AMOTL1: variants seen among roughly 807,000 people sequenced by gnomAD.
The protein encoded by AMOTL1 is angiomotin-like protein 1.
A neutral mutation model predicts 102.9 loss-of-function variants in AMOTL1; 45 were observed. The observed-to-expected ratio is 0.44, with a 90% confidence interval of 0.34 to 0.56. AMOTL1 has a LOEUF of 0.56. Among genes scored for constraint, AMOTL1 ranks in the 20% least tolerant of loss-of-function variants. The pLI, the probability that AMOTL1 is intolerant of heterozygous loss-of-function variation, is 0.01. For missense variants in AMOTL1, 1,114 were observed against 1,225.6 expected, an observed-to-expected ratio of 0.91 and a Z score of 1.36; for synonymous variants, 481 against 484.7, an observed-to-expected ratio of 0.99 and a Z score of 0.10.
In AMOTL1 at chr11:94,865,965, T is replaced by A. The variant is rs1363526571; in HGVS notation, c.2285T>A (p.Ile762Asn). The A allele has an allele frequency of 1.2e-6, 2 of 1,613,854 alleles. No homozygotes were observed. The highest frequency in any genetic ancestry group is 4.5e-5 in the East Asian group (2 of 44,886). ...AGTATTAAAAATCTCCATGCCAAAA[T>A]CATAGAGAAAGATGCTATGATTAAG... ...EYTIKNLHAK[I>N]IEKDAMIKVL... The change falls in exon 11 of 13, where the codon ATC (isoleucine) becomes AAC (asparagine). Residue 762 changes from isoleucine (I) to asparagine (N), a missense_variant. Coordinates refer to ENST00000433060, the MANE Select transcript of AMOTL1 (RefSeq NM_130847.3).
chr11:94,850,296 G>A lies in AMOTL1; in HGVS notation c.1794+37G>A, dbSNP rs1952507779. 2.6e-6 allele frequency: 4 copies of A among 1,567,130 alleles called. No homozygotes were observed. The East Asian group carries it at 6.9e-5, about 27-fold the overall frequency. On this transcript the variant is annotated intron_variant, in intron 7 of 12. Transcript: ENST00000433060. ...CTGTGGGGATTTGGTGGGGAAGAGG[G>A]CAAGCAGAGCCCAGAGGGCTTCCAC...
At position 94,755,213 on chromosome 11, in the gene AMOTL1, A is replaced by C. The variant is rs1167535875; in HGVS notation, c.136+14225A>C. 2.0e-5 allele frequency among the ~76,000 whole-genome samples: 3 copies of C among 152,202 alleles called. No homozygotes were observed. In the East Asian group the frequency reaches 5.8e-4, roughly 29 times the overall value. On this transcript the variant is annotated intron_variant, in intron 3 of 4. Coordinates refer to the AMOTL1 transcript ENST00000299004. ...TTTGATGCGTGCTTCACTGTGCTCA[A>C]TATATAAACACAGAAGACTGCCTAC...
intron 3 of AMOTL1, among the ~76,000 whole-genome samples, chr11:94,808,854 A>T (rs1428893595): frequency 1.3e-5 from 2 of 152,136 alleles, no homozygotes; most frequent in African/African-American, 4.8e-5. Flanking sequence ...AAAAAAATTT[A>T]GTTAACCCAT....
At chr11:94,853,891 GT>G in intron 7 of AMOTL1, 41 bp from the exon 8 acceptor site, 1 of 1,587,176 alleles carries the variant, frequency 6.3e-7, no homozygotes, top group Non-Finnish European at 8.6e-7. Context: ...TTGAGAATCA[GT>G]GGTCTAAATT....
intron 3 of AMOTL1, among the ~76,000 whole-genome samples, chr11:94,746,631 C>T (rs1210783242): frequency 6.6e-6 from 1 of 152,164 alleles, no homozygotes; most frequent in African/African-American, 2.4e-5. Flanking sequence ...GTCATGTCCT[C>T]CTGGTGGTTT....
chr11:94,804,481 G>T (rs1951534203), intron 3 of AMOTL1, among the ~76,000 whole-genome samples: 1 of 152,094 alleles, frequency 6.6e-6, no homozygotes, highest in South Asian at 2.1e-4. Context: ...TGGTAGAGTT[G>T]GGGTTTCACT....
chr11:94,773,331 C>T (rs537613136), intron 1 of AMOTL1, among the ~76,000 whole-genome samples: 70 of 152,308 alleles, frequency 4.6e-4, no homozygotes, highest in African/African-American at 1.6e-3. Flanking sequence ...GTGTTTTCTT[C>T]TAAAAGTTTT....
intron 6 of AMOTL1, among the ~76,000 whole-genome samples, chr11:94,842,034 T>C (rs1283854191): frequency 6.6e-6 from 1 of 152,226 alleles, no homozygotes; most frequent in Non-Finnish European, 1.5e-5. Context: ...ATAACTATGT[T>C]AAGACAAAAA....
At chr11:94,857,774 G>A (rs890083041) in intron 8 of AMOTL1, among the ~76,000 whole-genome samples, 1 of 152,176 alleles carries the variant, frequency 6.6e-6, no homozygotes. Context: ...CCTCCCATGT[G>A]AACACACTGA....
At chr11:94,859,188 G>T (rs1186056802) in intron 8 of AMOTL1, among the ~76,000 whole-genome samples, 1 of 152,196 alleles carries the variant, frequency 6.6e-6, no homozygotes, top group Non-Finnish European at 1.5e-5. Context: ...GTAATTAACT[G>T]CATGCCATTA....
intron 9 of AMOTL1, among the ~76,000 whole-genome samples, chr11:94,861,396 A>G (rs1952772065): frequency 6.6e-6 from 1 of 152,180 alleles, no homozygotes; most frequent in Non-Finnish European, 1.5e-5. Flanking sequence ...GGAAGAGAAC[A>G]GGTCATCATA....
intron 8 of AMOTL1, among the ~76,000 whole-genome samples, chr11:94,854,944 A>T (rs1952630340): frequency 6.6e-6 from 1 of 152,326 alleles, no homozygotes; most frequent in South Asian, 2.1e-4. Context: ...CTCAGCTATG[A>T]GTAAGCACAG....
chr11:94,782,347 G>T (rs1005719758), intron 1 of AMOTL1, among the ~76,000 whole-genome samples: 1 of 152,078 alleles, frequency 6.6e-6, no homozygotes, highest in South Asian at 2.1e-4. Flanking sequence ...ATCTGCCACC[G>T]TGAACTGGAC....
chr11:94,861,487 C>T, intron 9 of AMOTL1, among the ~76,000 whole-genome samples: 1 of 152,186 alleles, frequency 6.6e-6, no homozygotes, highest in East Asian at 1.9e-4. Context: ...AGTTTCCTTC[C>T]TCCCTGCAAT....
intron 6 of AMOTL1, among the ~76,000 whole-genome samples, chr11:94,833,434 TC>T (rs928781382): frequency 6.6e-6 from 1 of 152,202 alleles, no homozygotes; most frequent in Non-Finnish European, 1.5e-5. Flanking sequence ...AATTAGCATG[TC>T]CCCCACATAT....
chr11:94,727,252 A>G (rs1303206383), intron 1 of AMOTL1, among the ~76,000 whole-genome samples: 1 of 152,220 alleles, frequency 6.6e-6, no homozygotes, highest in Non-Finnish European at 1.5e-5. Context: ...TGTTGTAAAT[A>G]AGTGTTGCTT....
intron 10 of AMOTL1, among the ~76,000 whole-genome samples, chr11:94,865,430 TGATA>T (rs1278657660): frequency 2.6e-5 from 4 of 152,204 alleles, no homozygotes; most frequent in South Asian, 4.1e-4. Context: ...GTTGAGCCAT[TGATA>T]GATAGGCTCA....
rs146645289 is a variant in AMOTL1 at position 94,718,806 on chromosome 11, A to G, written c.-50-10115A>G. Among the ~76,000 whole-genome samples, 160 of 152,002 alleles carry G rather than the reference A, an allele frequency of 1.1e-3. 1 individual carries two copies. The highest frequency in any genetic ancestry group is 3.4e-3 in the African/African-American group (141 of 41,544). ...CAATATGGATATTAATCTTTTGTAT[A>G]CGTTATAAATTTTACCTTTCATTTT... On this transcript the variant is annotated intron_variant, in intron 1 of 4. Transcript: ENST00000299004.
At chr11:94,822,921 C>T (rs537302550) in intron 4 of AMOTL1, among the ~76,000 whole-genome samples, 2 of 152,114 alleles carry the variant, frequency 1.3e-5, no homozygotes, top group African/African-American at 4.8e-5. Context: ...GTAGTAGTAG[C>T]GATCCTCTAA....
Sources: allele counts gnomAD v4.1 joint callset (sites outside exome capture counted in the v4.1 genomes callset), GRCh38; gene constraint gnomAD v4.1.1; transcripts MANE v1.5; gene names NCBI Gene and HGNC (gene_info 2026-07-23, HGNC 2026-07-21).